The following XKR9 variants were observed in gnomAD, a reference collection of about 807,000 sequenced individuals.
The protein encoded by XKR9 is XK-related protein 9.
A neutral mutation model predicts 32.0 loss-of-function variants in XKR9; 32 were observed. The observed-to-expected ratio is 1.00, with a 90% confidence interval of 0.76 to 1.34. The LOEUF (loss-of-function observed/expected upper bound fraction) is 1.34. Ranked by LOEUF, XKR9 falls within the 40% of genes most tolerant of loss-of-function variation. XKR9 has a pLI of 0.00. For missense variants in XKR9, 546 were observed against 429.7 expected (o/e 1.27, Z -2.39); for synonymous variants, 168 against 143.4 (o/e 1.17, Z -1.22).
the XKR9 span, among the ~76,000 whole-genome samples, chr8:70,852,193 C>G: frequency 1.3e-5 from 2 of 152,188 alleles, no homozygotes; most frequent in African/African-American, 4.8e-5. Context: ...AGCTCCTCAT[C>G]AATGGTCATA....
At chr8:70,672,817 A>T (rs975797111) in intron 1 of XKR9, among the ~76,000 whole-genome samples, 2 of 152,126 alleles carry the variant, frequency 1.3e-5, no homozygotes, top group Admixed American at 6.5e-5. Flanking sequence ...ATGATTAGTG[A>T]TGTTGAGCAT....
chr8:70,712,724 C>T (rs1805961105), intron 4 of XKR9, among the ~76,000 whole-genome samples: 1 of 152,088 alleles, frequency 6.6e-6, no homozygotes, highest in African/African-American at 2.4e-5. Context: ...ATAACTCCCC[C>T]TGCAAAACAA....
Position 70,734,067 on chromosome 8 carries a change from T to C in XKR9, c.765T>C (p.Thr255=), listed in dbSNP as rs1352770568. Residue 255 remains threonine, a synonymous_variant, in exon 5 of 5, where the codon ACT becomes ACC. Coordinates refer to ENST00000408926, the MANE Select transcript of XKR9 (RefSeq NM_001011720.2). The part of the protein sequence containing the change: ...WAFKNNTQFC[T]CISMEFLYRI... ...TTAAAAACAACACCCAGTTTTGTAC[T>C]TGTATAAGTATGGAATTCTTATATA... is the stretch of plus-strand genomic sequence containing the variant. The C allele has an allele frequency of 6.2e-7, 1 of 1,612,966 alleles. No individual in the cohort carries two copies. The highest frequency in any genetic ancestry group is 8.5e-7 in the Non-Finnish European group (1 of 1,179,192).
chr8:70,766,769 C>T (rs1026743701), intron 2 of XKR9, among the ~76,000 whole-genome samples: 4 of 152,048 alleles, frequency 2.6e-5, no homozygotes, highest in Admixed American at 6.6e-5. Context: ...GAGATATGTT[C>T]CATCAATACC....
intron 3 of XKR9, 71 bp from the exon 4 acceptor site, chr8:70,706,859 AATT>A (rs35378342): frequency 0.46 from 577,929 of 1,245,320 alleles, 144,151 homozygotes; most frequent in Non-Finnish European, 0.52. Context: ...CCTTTTTCCA[AATT>A]ATTATGTGTA....
In XKR9 at chr8:70,690,930, C is replaced by A. The variant is rs181000576; in HGVS notation, c.272+9600C>A. Among the ~76,000 whole-genome samples, 4 of 152,026 alleles carry A rather than the reference C, an allele frequency of 2.6e-5. No individual in the cohort carries two copies. In the East Asian group the frequency reaches 7.7e-4, roughly 29 times the overall value. ...ATGGTAGAATGCTCTGGGTATATAC[C>A]CAGTAATGGAATTGCTGGGTCGAAT... On this transcript the variant is annotated intron_variant, in intron 3 of 4. Transcript: ENST00000408926.
the XKR9 span, among the ~76,000 whole-genome samples, chr8:71,064,967 C>T: frequency 1.3e-5 from 2 of 152,116 alleles, no homozygotes; most frequent in African/African-American, 2.4e-5. Flanking sequence ...ATAAAACTTG[C>T]CTCTCAGTAG....
In XKR9 at chr8:70,677,745, G is replaced by A. The variant is rs544827246; in HGVS notation, c.-279+2846G>A. ...AACACCTCTATGCCTCAGTTTTCTG[G>A]TCTACAAAATGGAGTCAATAATACT... On this transcript the variant is annotated intron_variant, in intron 2 of 4. Transcript: ENST00000408926. Among the ~76,000 whole-genome samples, 256 of 152,222 alleles carry A rather than the reference G, an allele frequency of 1.7e-3. 1 individual carries two copies. The highest frequency in any genetic ancestry group is 3.4e-3 in the Middle Eastern group (1 of 294).
At chr8:70,783,400 G>T (rs980354539) in intron 2 of XKR9, among the ~76,000 whole-genome samples, 16 of 151,890 alleles carry the variant, frequency 1.1e-4, no homozygotes, top group Non-Finnish European at 2.1e-4. Flanking sequence ...CTAATTTTTT[G>T]TATTTTTAGT....
At chr8:70,943,274 T>A in the XKR9 span, among the ~76,000 whole-genome samples, 1 of 152,188 alleles carries the variant, frequency 6.6e-6, no homozygotes, top group Non-Finnish European at 1.5e-5. Flanking sequence ...AAATCCATGA[T>A]TTAACAATTG....
chr8:70,721,194 C>A (rs893322186), intron 4 of XKR9, among the ~76,000 whole-genome samples: 1 of 151,868 alleles, frequency 6.6e-6, no homozygotes, highest in Non-Finnish European at 1.5e-5. Context: ...TCTCTCTTTT[C>A]TTCTTTATTA....
At chr8:70,995,687 A>C in the XKR9 span, among the ~76,000 whole-genome samples, 2 of 151,664 alleles carry the variant, frequency 1.3e-5, no homozygotes, top group Non-Finnish European at 2.9e-5. Context: ...GACAATTAAA[A>C]TTTTTTTTTC....
At chr8:70,697,396 G>A (rs1373129982) in intron 3 of XKR9, among the ~76,000 whole-genome samples, 328 of 150,304 alleles carry the variant, frequency 2.2e-3, no homozygotes, top group South Asian at 0.016. Flanking sequence ...AGCATGAAGC[G>A]TTGTTGAATT....
At chr8:70,798,928 A>G in the XKR9 span, among the ~76,000 whole-genome samples, 4 of 152,242 alleles carry the variant, frequency 2.6e-5, no homozygotes, top group East Asian at 7.7e-4. Context: ...TTGTACCAGT[A>G]CCATGCTCTT....
chr8:70,921,759 C>T, the XKR9 span, among the ~76,000 whole-genome samples: 1 of 152,202 alleles, frequency 6.6e-6, no homozygotes, highest in Non-Finnish European at 1.5e-5. Context: ...TGCCAAGTCT[C>T]TGCTTCTGCT....
intron 4 of XKR9, among the ~76,000 whole-genome samples, chr8:70,711,955 C>A (rs1423308085): frequency 1.3e-5 from 2 of 151,242 alleles, no homozygotes; most frequent in Admixed American, 6.6e-5. Context: ...ATGTAAAAAA[C>A]CTGCACACGT....
the XKR9 span, among the ~76,000 whole-genome samples, chr8:70,934,870 A>G: frequency 7.3e-3 from 1,109 of 151,980 alleles, 9 homozygotes; most frequent in Non-Finnish European, 0.013. Context: ...GATGACAAGA[A>G]TAGATATTTA....
chr8:71,008,740 C>T, the XKR9 span, among the ~76,000 whole-genome samples: 1 of 152,188 alleles, frequency 6.6e-6, no homozygotes, highest in Non-Finnish European at 1.5e-5. Flanking sequence ...AATCCTTCCT[C>T]CTCAGCCTCC....
chr8:70,696,931 T>A (rs1805301312), intron 3 of XKR9, among the ~76,000 whole-genome samples: 1 of 149,800 alleles, frequency 6.7e-6, no homozygotes, highest in Admixed American at 6.7e-5. Flanking sequence ...AAGTATTTTA[T>A]TCTCTTTGAA....
Sources: allele counts gnomAD v4.1 joint callset (sites outside exome capture counted in the v4.1 genomes callset), GRCh38; gene constraint gnomAD v4.1.1; transcripts MANE v1.5; gene names NCBI Gene and HGNC (gene_info 2026-07-23, HGNC 2026-07-21).